The following ZNF33A variants were observed in gnomAD, a reference collection of about 807,000 sequenced individuals.
ZNF33A encodes the protein zinc finger protein 33A, also known as brain my041 protein.
A neutral mutation model predicts 15.9 loss-of-function variants in ZNF33A; 9 were observed. The ratio of observed to expected loss-of-function variants is 0.57; its 90% CI spans 0.34 to 0.99. The LOEUF (loss-of-function observed/expected upper bound fraction) is 0.99. ZNF33A is among the 50% of genes least tolerant of loss of function. ZNF33A has a pLI of 0.02. For missense variants in ZNF33A, 843 were observed against 941.6 expected (o/e 0.90, Z 1.37); for synonymous variants, 294 against 324.2 (o/e 0.91, Z 1.00).
At chr10:38,040,906 T>C (rs984766480) in intron 4 of ZNF33A, among the ~76,000 whole-genome samples, 1 of 152,180 alleles carries the variant, frequency 6.6e-6, no homozygotes, top group African/African-American at 2.4e-5. Flanking sequence ...GAGGTTCAAC[T>C]TAGTATTTTT....
At position 38,056,520 on chromosome 10, in the gene ZNF33A, A is replaced by T; in HGVS notation, c.2396A>T (p.His799Leu). 6.3e-7 allele frequency: 1 copy of T among 1,597,428 alleles called. No homozygotes were observed. The highest frequency in any genetic ancestry group is 1.7e-5 in the Admixed American group (1 of 57,396). The change falls in exon 5 of 5, where the codon CAC (histidine) becomes CTC (leucine). Residue 799 changes from histidine to leucine, a missense_variant. His to Leu is a moderately conservative substitution (Grantham distance 99). Coordinates refer to ENST00000432900, the MANE Select transcript of ZNF33A (RefSeq NM_006954.2). The part of the protein sequence containing the change: ...VSLHNASEYS[H>L]CGESPDDILN... Reference sequence around the variant, plus strand: ...CTCCATAATGCCTCAGAGTATTCACACTGTGGAGAAAGCCCTGATGACATC... The same window carrying T: ...CTCCATAATGCCTCAGAGTATTCACTCTGTGGAGAAAGCCCTGATGACATC...
intron 4 of ZNF33A, among the ~76,000 whole-genome samples, chr10:38,025,996 G>A (rs531994864): frequency 5.3e-5 from 8 of 152,142 alleles, no homozygotes; most frequent in Non-Finnish European, 7.3e-5. Flanking sequence ...TTTGACTGTT[G>A]TGAATATTTC....
At chr10:38,064,386 C>A, downstream of ZNF33A, 1 of 414,832 alleles carries the variant, frequency 2.4e-6, no homozygotes, top group East Asian at 3.8e-5. Context: ...TGAGGCTTCT[C>A]GTGTCCTTGG....
chr10:38,019,683 G>C (rs1259755800), intron 4 of ZNF33A, among the ~76,000 whole-genome samples: 5 of 152,196 alleles, frequency 3.3e-5, no homozygotes, highest in African/African-American at 1.2e-4. Context: ...ATTAGACAGG[G>C]AAGCTAAGAG....
At chr10:38,040,822 G>C (rs1399800273) in intron 4 of ZNF33A, among the ~76,000 whole-genome samples, 5 of 152,070 alleles carry the variant, frequency 3.3e-5, no homozygotes, top group Non-Finnish European at 7.4e-5. Flanking sequence ...GACTTAAAAT[G>C]GTTTGACTTA....
rs556451252 is a variant in ZNF33A at position 38,055,160 on chromosome 10, C to G, written c.1036C>G (p.Arg346Gly). The G allele has an allele frequency of 1.9e-6, 3 of 1,613,948 alleles. No homozygotes were observed. In the South Asian group the frequency reaches 3.3e-5, roughly 18 times the overall value. The change falls in exon 5 of 5, where the codon CGA (arginine) becomes GGA (glycine). Residue 346 changes from arginine to glycine, a missense_variant. Arg to Gly is a moderately radical substitution (Grantham distance 125, BLOSUM62 -2). Transcript: ENST00000432900. ...TTTCTGGGAGAAGTCACATCTCACT[C>G]GACATCAGAGGGTGCACACAGGACA... ...KAFWEKSHLT[R>G]HQRVHTGQKP...
downstream of ZNF33A, among the ~76,000 whole-genome samples, chr10:38,062,725 T>C (rs1249293281): frequency 6.6e-6 from 1 of 150,988 alleles, no homozygotes; most frequent in Admixed American, 6.6e-5. Flanking sequence ...AACAAAAGGC[T>C]GGGTGCGGTG....
intron 4 of ZNF33A, among the ~76,000 whole-genome samples, chr10:38,048,585 A>G (rs1386240304): frequency 6.6e-6 from 1 of 152,210 alleles, no homozygotes; most frequent in South Asian, 2.1e-4. Flanking sequence ...AACAAAAAGA[A>G]TGGGAAAAGA....
At chr10:38,050,471 T>A (rs2066151892) in intron 4 of ZNF33A, among the ~76,000 whole-genome samples, 1 of 152,244 alleles carries the variant, frequency 6.6e-6, no homozygotes, top group African/African-American at 2.4e-5. Context: ...GTTGCCATCT[T>A]GAAGTTCTTC....
intron 4 of ZNF33A, among the ~76,000 whole-genome samples, chr10:38,041,205 T>C (rs2065683158): frequency 6.6e-6 from 1 of 152,132 alleles, no homozygotes; most frequent in African/African-American, 2.4e-5. Flanking sequence ...GTCTGGGCTT[T>C]TAGTGTGGCC....
chr10:38,025,707 T>C (rs1811160457), intron 4 of ZNF33A, among the ~76,000 whole-genome samples: 1 of 152,238 alleles, frequency 6.6e-6, no homozygotes, highest in South Asian at 2.1e-4. Context: ...TGACAAACTG[T>C]TGACAAAAAT....
intron 2 of ZNF33A, among the ~76,000 whole-genome samples, chr10:38,013,503 C>T (rs566176261): frequency 1.3e-5 from 2 of 152,006 alleles, no homozygotes; most frequent in South Asian, 4.2e-4. Flanking sequence ...TCTTGGCTCA[C>T]TGCAACCTCC....
At chr10:38,010,887 C>A in intron 1 of ZNF33A, 104 bp downstream of exon 1, 3 of 1,417,838 alleles carry the variant, frequency 2.1e-6, no homozygotes, top group South Asian at 1.2e-5. Context: ...GGCCCGGGGA[C>A]CTCATAGGGG....
intron 4 of ZNF33A, among the ~76,000 whole-genome samples, chr10:38,022,706 C>A (rs2064809070): frequency 6.7e-6 from 1 of 148,502 alleles, no homozygotes; most frequent in African/African-American, 2.5e-5. Context: ...TGTACCAGTT[C>A]TTCAGAAACC....
chr10:38,047,624 CAAAAAAA>C (rs554054575), intron 4 of ZNF33A, among the ~76,000 whole-genome samples: 1 of 75,012 alleles, frequency 1.3e-5, no homozygotes, highest in Non-Finnish European at 2.5e-5. Flanking sequence ...GACTCTGTCT[CAAAAAAA>C]AAAAAAAAAA....
At chr10:38,032,147 G>A (rs2065241482) in intron 4 of ZNF33A, among the ~76,000 whole-genome samples, 1 of 152,176 alleles carries the variant, frequency 6.6e-6, no homozygotes, top group Middle Eastern at 3.4e-3. Flanking sequence ...CAAGGGTTGG[G>A]AAGTCAAATT....
intron 1 of ZNF33A, among the ~76,000 whole-genome samples, chr10:38,011,007 G>T (rs1215249436): frequency 1.3e-5 from 2 of 152,282 alleles, no homozygotes; most frequent in Middle Eastern, 3.4e-3. Context: ...CCCCATTTGT[G>T]GGGGCCGCGG....
chr10:38,050,667 C>A (rs985612940), intron 4 of ZNF33A, among the ~76,000 whole-genome samples: 1 of 152,174 alleles, frequency 6.6e-6, no homozygotes, highest in African/African-American at 2.4e-5. Flanking sequence ...GCATTGGTTG[C>A]AGCAGCAGCA....
At chr10:38,040,530 T>C (rs2065653271) in intron 4 of ZNF33A, among the ~76,000 whole-genome samples, 1 of 152,210 alleles carries the variant, frequency 6.6e-6, no homozygotes, top group African/African-American at 2.4e-5. Flanking sequence ...TGATTGACCC[T>C]TTTATTGTTA....
Sources: allele counts gnomAD v4.1 joint callset (sites outside exome capture counted in the v4.1 genomes callset), GRCh38; gene constraint gnomAD v4.1.1; transcripts MANE v1.5; gene names NCBI Gene and HGNC (gene_info 2026-07-23, HGNC 2026-07-21).